MTSS1: variants seen among roughly 807,000 people sequenced by gnomAD.
MTSS1 encodes the protein protein MTSS 1.
MTSS1 carries 18 observed loss-of-function variants against 79.0 expected under a neutral mutation model. The observed-to-expected ratio is 0.23, with a 90% CI of 0.16 to 0.34. The LOEUF (loss-of-function observed/expected upper bound fraction) is 0.34. Ranked by LOEUF, MTSS1 falls within the 10% of genes least tolerant of loss-of-function variation. The pLI is 1.00. For missense variants in MTSS1, 815 were observed against 986.2 expected (o/e 0.83, Z 2.33); for synonymous variants, 341 against 368.6 (o/e 0.93, Z 0.86).
At position 124,714,542 on chromosome 8, in the gene MTSS1, A is replaced by T. The variant is rs528842387; in HGVS notation, c.73-10351T>A. On this transcript the variant is annotated intron_variant, in intron 1 of 13. Coordinates refer to ENST00000518547, the MANE Select transcript of MTSS1 (RefSeq NM_014751.6). Reference sequence around the variant, plus strand: ...CAGTGGTGCTGTCTTGGCTCACTGCAACCTCCGCCTCCAGGGTTCAAGTGA... The same window carrying T: ...CAGTGGTGCTGTCTTGGCTCACTGCTACCTCCGCCTCCAGGGTTCAAGTGA... Among the ~76,000 whole-genome samples, 3 of 152,290 alleles carry T rather than the reference A, an allele frequency of 2.0e-5. No homozygotes were observed. In the South Asian group the frequency reaches 6.2e-4, roughly 32 times the overall value.
At chr8:124,617,339 G>T (rs936488088) in intron 3 of MTSS1, among the ~76,000 whole-genome samples, 3 of 152,126 alleles carry the variant, frequency 2.0e-5, no homozygotes, top group African/African-American at 7.2e-5. Flanking sequence ...GGTCCCAGGG[G>T]GCTCCCATTC....
At chr8:124,580,341 G>A (rs1330848836) in intron 6 of MTSS1, 5 of 547,996 alleles carry the variant, frequency 9.1e-6, no homozygotes, top group Non-Finnish European at 1.6e-5. Flanking sequence ...TGCTAACATC[G>A]TAAATGGCTA....
intron 13 of MTSS1, among the ~76,000 whole-genome samples, chr8:124,555,507 A>G (rs867095481): frequency 6.6e-6 from 1 of 152,040 alleles, no homozygotes; most frequent in African/African-American, 2.4e-5. Context: ...TGGCCTCCCA[A>G]AGTGCTGGGA....
At chr8:124,724,102 T>A (rs1220823819) in intron 1 of MTSS1, among the ~76,000 whole-genome samples, 3 of 151,902 alleles carry the variant, frequency 2.0e-5, no homozygotes. Context: ...AGGAAGTGTA[T>A]CTCTCTTCTG....
chr8:124,568,023 G>C, intron 7 of MTSS1: 1 of 1,183,278 alleles, frequency 8.5e-7, no homozygotes. Flanking sequence ...AGACGACTGG[G>C]TCCCCACCCC....
intron 3 of MTSS1, among the ~76,000 whole-genome samples, chr8:124,613,637 C>T (rs548150687): frequency 1.3e-5 from 2 of 152,294 alleles, no homozygotes; most frequent in East Asian, 3.9e-4. Context: ...GGGGCTGCTA[C>T]GTACAGCTCC....
At chr8:124,563,118 T>C (rs1042169406) in intron 9 of MTSS1, 126 bp from the exon 10 acceptor site, 2 of 779,568 alleles carry the variant, frequency 2.6e-6, no homozygotes, top group Admixed American at 2.5e-5. Flanking sequence ...ATAATGCAAT[T>C]AGCTCTCTGC....
rs191897602 is a variant in MTSS1, at chr8:124,648,716, C to G, written c.208+50810G>C. On this transcript the variant is annotated intron_variant, in intron 3 of 13. Transcript: ENST00000518547. ...TCTTCATCCCAAATAGCAGCCCCCC[C>G]CCAGATACTGACCAGACGGTGTTCC... Among the ~76,000 whole-genome samples the G allele has an allele frequency of 3.3e-3, 499 of 151,840 alleles. 15 individuals are homozygous for G. Among genetic ancestry groups the G allele is most frequent in the Admixed American group, 0.024 (371 of 15,282 alleles).
intron 3 of MTSS1, among the ~76,000 whole-genome samples, chr8:124,599,521 G>GA (rs1833402845): frequency 6.8e-6 from 1 of 148,078 alleles, no homozygotes; most frequent in African/African-American, 2.5e-5. Flanking sequence ...GAAAGAAAAA[G>GA]AAAAAAGAAA....
chr8:124,594,288 T>G (rs1009417017), intron 3 of MTSS1, among the ~76,000 whole-genome samples: 1 of 152,192 alleles, frequency 6.6e-6, no homozygotes, highest in African/African-American at 2.4e-5. Context: ...CCCAGCACTT[T>G]GGAAGGCTGA....
intron 7 of MTSS1, 26 bp from the exon 8 acceptor site, chr8:124,567,204 GTTA>G: frequency 6.6e-7 from 1 of 1,506,078 alleles, no homozygotes; most frequent in African/African-American, 1.4e-5. Context: ...TTCATGAAAT[GTTA>G]TTATCATGAG....
At chr8:124,720,737 T>C (rs922716137) in intron 1 of MTSS1, among the ~76,000 whole-genome samples, 2 of 152,206 alleles carry the variant, frequency 1.3e-5, no homozygotes, top group Non-Finnish European at 2.9e-5. Context: ...GCCTAAGAAG[T>C]GGTGGAGATA....
intron 10 of MTSS1, among the ~76,000 whole-genome samples, chr8:124,560,761 T>A (rs1334010187): frequency 1.3e-5 from 2 of 152,254 alleles, no homozygotes; most frequent in Non-Finnish European, 2.9e-5. Context: ...TTGACTCAGA[T>A]GGAATAAATG....
At chr8:124,607,916 G>C (rs1257143041) in intron 3 of MTSS1, among the ~76,000 whole-genome samples, 2 of 152,106 alleles carry the variant, frequency 1.3e-5, no homozygotes, top group African/African-American at 4.8e-5. Context: ...AATTTGTTCG[G>C]TAAATAAGAT....
intron 10 of MTSS1, among the ~76,000 whole-genome samples, chr8:124,562,123 T>C (rs1450837160): frequency 6.6e-6 from 1 of 152,148 alleles, no homozygotes; most frequent in Non-Finnish European, 1.5e-5. Context: ...ATCACATACA[T>C]TGATGATGCA....
In MTSS1 at chr8:124,689,590, A is replaced by G. The variant is rs189528938; in HGVS notation, c.208+9936T>C. Among the ~76,000 whole-genome samples, 37 of 152,140 alleles carry G rather than the reference A, an allele frequency of 2.4e-4. No individual in the cohort carries two copies. In the East Asian group the frequency reaches 5.4e-3, roughly 22 times the overall value. ...GAGAAACCCCATCTCTACTAAAAAT[A>G]CAAAAATTAGCTGGGCATGGTGGCG... is the stretch of plus-strand genomic sequence containing the variant. On this transcript the variant is annotated intron_variant, in intron 3 of 13. Transcript: ENST00000518547.
rs79656404 is a variant in MTSS1, at chr8:124,585,168, G to C, written c.386-7C>G. 0.021 allele frequency: 34,537 copies of C among 1,608,278 alleles called. 880 individuals carry two copies. The highest frequency in any genetic ancestry group is 0.093 in the African/African-American group (6,941 of 74,714). ...TGGCGGGCTTTCTTATATTCTAAGA[G>C]AAAGCAGAATATGGAACAATTTTAC... is the stretch of plus-strand genomic sequence containing the variant. On this transcript the variant is annotated splice_region_variant and splice_polypyrimidine_tract_variant and intron_variant, in intron 5 of 13. Coordinates refer to ENST00000518547, the MANE Select transcript of MTSS1 (RefSeq NM_014751.6).
intron 5 of MTSS1, 34 bp downstream of exon 5, chr8:124,589,586 G>A (rs372815562): frequency 1.5e-4 from 238 of 1,545,432 alleles, no homozygotes; most frequent in South Asian, 1.2e-4. Flanking sequence ...GCCCCCCAGC[G>A]TGCAGTGATG....
intron 1 of MTSS1, among the ~76,000 whole-genome samples, chr8:124,715,803 T>C (rs1437930034): frequency 2.6e-5 from 4 of 152,208 alleles, no homozygotes; most frequent in African/African-American, 7.2e-5. Flanking sequence ...GTTAAGAGCA[T>C]GACTCTAGAG....
Sources: allele counts gnomAD v4.1 joint callset (sites outside exome capture counted in the v4.1 genomes callset), GRCh38; gene constraint gnomAD v4.1.1; transcripts MANE v1.5; gene names NCBI Gene and HGNC (gene_info 2026-07-23, HGNC 2026-07-21).